The following ZHX2 variants were observed in gnomAD, a reference collection of about 807,000 sequenced individuals.
ZHX2 encodes zinc fingers and homeoboxes 2.
Under a neutral mutation model 21.9 loss-of-function variants are expected in ZHX2, and 6 were observed. The observed-to-expected ratio is 0.27, with a 90% confidence interval of 0.15 to 0.54. The LOEUF (loss-of-function observed/expected upper bound fraction) is 0.54. Among genes scored for constraint, ZHX2 ranks in the 20% least tolerant of loss-of-function variants. The pLI, the probability that ZHX2 is intolerant of heterozygous loss-of-function variation, is 0.95. For missense variants in ZHX2, 908 were observed against 1,090.7 expected (o/e 0.83, Z 2.36); for synonymous variants, 434 against 437.1 (o/e 0.99, Z 0.09).
intron 1 of ZHX2, among the ~76,000 whole-genome samples, chr8:122,813,153 G>A (rs1377831751): frequency 1.3e-5 from 2 of 148,208 alleles, no homozygotes; most frequent in Non-Finnish European, 3.0e-5. Flanking sequence ...CCAAGATCAC[G>A]CCACTGTACT....
intron 2 of ZHX2, among the ~76,000 whole-genome samples, chr8:122,872,051 G>T (rs2129703674): frequency 6.6e-6 from 1 of 152,266 alleles, no homozygotes; most frequent in East Asian, 1.9e-4. Flanking sequence ...CAGTCCTGCT[G>T]TCCTATGAAA....
At chr8:122,838,102 A>C (rs968219153) in intron 1 of ZHX2, among the ~76,000 whole-genome samples, 4 of 152,356 alleles carry the variant, frequency 2.6e-5, no homozygotes, top group East Asian at 3.9e-4. Context: ...GCTTTAGCCC[A>C]GTGGCTGCAC....
rs199637596 is a variant in ZHX2, at chr8:122,851,756, G to A, written c.-282-11721G>A. On this transcript the variant is annotated intron_variant, in intron 1 of 3. Transcript: ENST00000314393. Reference sequence around the variant, plus strand: ...AATATCCTTATTTGCCCGGGGCTTGGGGGCTCAGAAAGAGTAAATAAATGT... The same window carrying A: ...AATATCCTTATTTGCCCGGGGCTTGAGGGCTCAGAAAGAGTAAATAAATGT... Among the ~76,000 whole-genome samples, 14 of 152,306 alleles carry A rather than the reference G, an allele frequency of 9.2e-5. No individual in the cohort carries two copies. In the East Asian group the frequency reaches 2.3e-3, roughly 25 times the overall value.
chr8:122,894,059 G>A (rs1053420709), intron 2 of ZHX2, among the ~76,000 whole-genome samples: 2 of 152,182 alleles, frequency 1.3e-5, no homozygotes, highest in Admixed American at 1.3e-4. Context: ...TAGTCTCCAT[G>A]TGATTTCTTT....
At chr8:122,801,374 C>G (rs1272250520) in intron 1 of ZHX2, among the ~76,000 whole-genome samples, 1 of 152,128 alleles carries the variant, frequency 6.6e-6, no homozygotes, top group Non-Finnish European at 1.5e-5. Context: ...CAACTGTCCT[C>G]ACGAACAGGA....
chr8:122,914,808 C>A (rs1397763880), intron 2 of ZHX2, among the ~76,000 whole-genome samples: 2 of 152,184 alleles, frequency 1.3e-5, no homozygotes, highest in African/African-American at 4.8e-5. Flanking sequence ...GGGTCTGTAT[C>A]TGTAATTGAG....
At chr8:122,948,293 C>T (rs1377220212) in intron 2 of ZHX2, among the ~76,000 whole-genome samples, 2 of 152,190 alleles carry the variant, frequency 1.3e-5, no homozygotes, top group Non-Finnish European at 2.9e-5. Flanking sequence ...CTTCCCTTCC[C>T]TTTCCTTCCT....
intron 2 of ZHX2, among the ~76,000 whole-genome samples, chr8:122,896,705 T>A (rs561579549): frequency 6.6e-6 from 1 of 152,342 alleles, no homozygotes; most frequent in East Asian, 1.9e-4. Context: ...CATAGCCACC[T>A]GTCTGGCTCT....
chr8:122,955,355 C>T (rs369434717), intron 3 of ZHX2, among the ~76,000 whole-genome samples: 3 of 152,200 alleles, frequency 2.0e-5, no homozygotes, highest in East Asian at 3.9e-4. Flanking sequence ...CCCAAGTTAT[C>T]TTTACAAAAT....
intron 2 of ZHX2, among the ~76,000 whole-genome samples, chr8:122,902,385 C>T (rs181232797): frequency 6.6e-6 from 1 of 152,360 alleles, no homozygotes; most frequent in East Asian, 1.9e-4. Flanking sequence ...GGTTCAAAAA[C>T]AGCTGTGTGA....
chr8:122,864,450 A>G (rs1386798085), intron 2 of ZHX2, among the ~76,000 whole-genome samples: 1 of 152,072 alleles, frequency 6.6e-6, no homozygotes, highest in African/African-American at 2.4e-5. Context: ...CACCTGCTGT[A>G]TGTGGTCCAG....
rs72717970 is a variant in ZHX2 at position 122,803,997 on chromosome 8, G to A, written c.-283+22051G>A. Among the ~76,000 whole-genome samples the A allele has an allele frequency of 3.5e-3, 527 of 152,282 alleles. 2 individuals carry two copies. The highest frequency in any genetic ancestry group is 5.2e-3 in the Non-Finnish European group (357 of 68,042). The stretch of plus-strand genomic sequence containing the variant: ...TAGAATAGTGCCTGGTGCCTGGCAA[G>A]GACTCAGTACTATAAGATTCAATGA... On this transcript the variant is annotated intron_variant, in intron 1 of 3. Transcript: ENST00000314393.
Position 122,953,711 on chromosome 8 carries a change from C to T in ZHX2, c.2201C>T (p.Pro734Leu), listed in dbSNP as rs1002045591. The change falls in exon 3 of 4, where the codon CCC (proline) becomes CTC (leucine). Residue 734 changes from proline to leucine, a missense_variant. Physicochemically the swap from Pro to Leu is moderately conservative, Grantham distance 98. Coordinates refer to ENST00000314393, the MANE Select transcript of ZHX2 (RefSeq NM_014943.5). This position sits in a 1 kb window ranked among gnomAD's most constrained non-coding sequence, Gnocchi z 4.6. ...GDVVPQYYKD[P>L]KKLCEEDLEK... ...GTGGTTCCACAATATTACAAGGACC[C>T]CAAAAAGCTCTGCGAAGAGGACTTG... 1 of 1,614,074 alleles carries T rather than the reference C, an allele frequency of 6.2e-7. No homozygotes were observed. Among genetic ancestry groups the T allele is most frequent in the Non-Finnish European group, 8.5e-7 (1 of 1,180,050 alleles).
chr8:122,790,346 C>T (rs1259440747), intron 1 of ZHX2, among the ~76,000 whole-genome samples: 1 of 152,130 alleles, frequency 6.6e-6, no homozygotes, highest in African/African-American at 2.4e-5. Flanking sequence ...CCTTTTGTTT[C>T]CTCGGCCAGC....
At chr8:122,847,714 C>T (rs556385118) in intron 1 of ZHX2, among the ~76,000 whole-genome samples, 81 of 152,294 alleles carry the variant, frequency 5.3e-4, no homozygotes, top group African/African-American at 1.9e-3. Context: ...CCAAAGCTGG[C>T]GCCAGGGCCC....
At chr8:122,956,925 G>A (rs1378612986) in intron 3 of ZHX2, among the ~76,000 whole-genome samples, 3 of 152,068 alleles carry the variant, frequency 2.0e-5, no homozygotes, top group Admixed American at 6.5e-5. Flanking sequence ...ACATGGGGGT[G>A]GGATGTTATC....
chr8:122,801,701 T>C (rs1817723547), intron 1 of ZHX2, among the ~76,000 whole-genome samples: 1 of 151,942 alleles, frequency 6.6e-6, no homozygotes, highest in Non-Finnish European at 1.5e-5. Context: ...CAGTGAACCA[T>C]GATTGCACCG....
intron 3 of ZHX2, among the ~76,000 whole-genome samples, chr8:122,968,800 G>C (rs7000562): frequency 6.6e-6 from 1 of 150,938 alleles, no homozygotes; most frequent in Non-Finnish European, 1.5e-5. Context: ...GATTGCACCA[G>C]TGAACTCCAG....
At chr8:122,808,396 C>T (rs1817863005) in intron 1 of ZHX2, among the ~76,000 whole-genome samples, 1 of 152,174 alleles carries the variant, frequency 6.6e-6, no homozygotes, top group African/African-American at 2.4e-5. Flanking sequence ...GAAGCAAACA[C>T]ATCCTTCTTC....
Sources: allele counts gnomAD v4.1 joint callset (sites outside exome capture counted in the v4.1 genomes callset), GRCh38; gene constraint gnomAD v4.1.1; non-coding constraint Gnocchi (gnomAD v3.1); transcripts MANE v1.5; gene names NCBI Gene and HGNC (gene_info 2026-07-23, HGNC 2026-07-21).